Variants in LRRC72 observed in about 807,000 individuals in gnomAD.
LRRC72 encodes leucine-rich repeat-containing protein 72.
Under a neutral mutation model 35.8 loss-of-function variants are expected in LRRC72, and 41 were observed. The ratio of observed to expected loss-of-function variants is 1.15; its 90% CI spans 0.89 to 1.49. LRRC72 has a LOEUF of 1.49. LRRC72 is among the 40% of genes most tolerant of loss of function. LRRC72 has a pLI of 0.00. For missense variants in LRRC72, 389 were observed against 330.7 expected (o/e 1.18, Z -1.37); for synonymous variants, 118 against 119.2 (o/e 0.99, Z 0.07).
intron 3 of LRRC72, among the ~76,000 whole-genome samples, chr7:16,538,450 C>T (rs1304049483): frequency 3.3e-5 from 5 of 152,198 alleles, no homozygotes; most frequent in South Asian, 2.1e-4. Context: ...GCTCACCTCA[C>T]CTTTATCCCA....
intron 2 of LRRC72, among the ~76,000 whole-genome samples, chr7:16,536,670 A>T (rs1000042391): frequency 6.6e-6 from 1 of 152,196 alleles, no homozygotes; most frequent in African/African-American, 2.4e-5. Flanking sequence ...TATTTTGTTT[A>T]GAAATGGTTG....
chr7:16,548,469 CT>C (rs1417436198), intron 3 of LRRC72, among the ~76,000 whole-genome samples: 2 of 152,240 alleles, frequency 1.3e-5, no homozygotes, highest in Admixed American at 6.5e-5. Context: ...TGACACCCTC[CT>C]TAGGGTTCTG....
intron 1 of LRRC72, among the ~76,000 whole-genome samples, chr7:16,531,812 G>T (rs1018058518): frequency 3.3e-5 from 5 of 152,078 alleles, no homozygotes; most frequent in Admixed American, 1.3e-4. Context: ...CATTTAAATA[G>T]CTGTTGCTAA....
At chr7:16,578,302 G>A (rs1272343800) in intron 7 of LRRC72, among the ~76,000 whole-genome samples, 5 of 152,050 alleles carry the variant, frequency 3.3e-5, no homozygotes, top group African/African-American at 9.7e-5. Flanking sequence ...GTGAAACCCC[G>A]TCTCTATTAA....
intron 2 of LRRC72, 196 bp downstream of exon 2, chr7:16,532,764 AT>A: frequency 7.0e-6 from 4 of 575,112 alleles, no homozygotes; most frequent in South Asian, 6.9e-5. Context: ...AAAAAAAAAA[AT>A]TATGGAGACA....
rs887794380 is a variant in LRRC72 at position 16,556,540 on chromosome 7, G to C, written c.235-820G>C. Among the ~76,000 whole-genome samples the C allele has an allele frequency of 9.9e-5, 15 of 152,284 alleles. No individual in the cohort carries two copies. In the South Asian group the frequency reaches 1.2e-3, roughly 13 times the overall value. Reference sequence around the variant, plus strand: ...TGGTTGAGCTGTTAGCACTGCGCCTGATCTGGCAGAGCTGCCTCCTGTGTG... The same window carrying C: ...TGGTTGAGCTGTTAGCACTGCGCCTCATCTGGCAGAGCTGCCTCCTGTGTG... On this transcript the variant is annotated intron_variant, in intron 3 of 8. Transcript: ENST00000401542.
intron 6 of LRRC72, 145 bp downstream of exon 6, chr7:16,566,547 T>G: frequency 1.9e-6 from 1 of 530,642 alleles, no homozygotes; most frequent in Non-Finnish European, 3.1e-6. Flanking sequence ...GTTTTTCAAT[T>G]ATTTATTTTT....
intron 3 of LRRC72, among the ~76,000 whole-genome samples, chr7:16,544,485 C>T (rs2128335767): frequency 6.6e-6 from 1 of 152,262 alleles, no homozygotes; most frequent in South Asian, 2.1e-4. Context: ...GGCAGCTGCT[C>T]TTAGGTCTAA....
rs957689009 is a variant in LRRC72, at chr7:16,527,041, G to A, written c.89G>A (p.Arg30Gln). 11 of 1,537,606 alleles carry A rather than the reference G, an allele frequency of 7.2e-6. No homozygotes were observed. The Admixed American group carries it at 7.8e-5, about 11-fold the overall frequency. ...ASETALQSSR[R>Q]AVEDQLKICG... ...GAAACTGCCCTACAGAGCAGTCGCC[G>A]GGTAAGCGGCACCTGCCTTCCCAAG... The change falls in exon 1 of 9, where the codon CGG (arginine) becomes CAG (glutamine). Residue 30 changes from arginine (R) to glutamine (Q), a missense_variant and splice_region_variant. Arg to Gln is a conservative substitution (Grantham distance 43). Coordinates refer to ENST00000401542, the MANE Select transcript of LRRC72 (RefSeq NM_001195280.2).
chr7:16,535,703 G>A (rs1304546393), intron 2 of LRRC72, among the ~76,000 whole-genome samples: 1 of 152,172 alleles, frequency 6.6e-6, no homozygotes, highest in African/African-American at 2.4e-5. Flanking sequence ...GGGGCAGACT[G>A]ACGTCATTTG....
chr7:16,562,579 A>G (rs1464814517), intron 5 of LRRC72, among the ~76,000 whole-genome samples: 2 of 152,168 alleles, frequency 1.3e-5, no homozygotes, highest in African/African-American at 4.8e-5. Flanking sequence ...CTTTCGAGAG[A>G]GGGTCTCCAT....
At chr7:16,565,163 G>A (rs914919330) in intron 5 of LRRC72, among the ~76,000 whole-genome samples, 3 of 152,150 alleles carry the variant, frequency 2.0e-5, no homozygotes, top group East Asian at 1.9e-4. Context: ...AAGATTACTG[G>A]CCAGGTGCGG....
At chr7:16,567,564 A>G (rs952909821) in intron 7 of LRRC72, 21 bp downstream of exon 7, 2 of 1,418,278 alleles carry the variant, frequency 1.4e-6, no homozygotes, top group African/African-American at 2.9e-5. Flanking sequence ...AAAAAAAAAA[A>G]AAAAACAAAT....
chr7:16,544,658 A>C (rs535448154), intron 3 of LRRC72, among the ~76,000 whole-genome samples: 124 of 152,344 alleles, frequency 8.1e-4, no homozygotes, highest in African/African-American at 2.9e-3. Flanking sequence ...CATACATATA[A>C]TCTTCTGACT....
At chr7:16,574,565 G>A (rs1562754555) in intron 7 of LRRC72, among the ~76,000 whole-genome samples, 1 of 151,986 alleles carries the variant, frequency 6.6e-6, no homozygotes, top group Non-Finnish European at 1.5e-5. Flanking sequence ...ACCAAACACT[G>A]CATGTTCTCA....
chr7:16,581,017 T>A (rs968103567), intron 8 of LRRC72, among the ~76,000 whole-genome samples: 2 of 152,206 alleles, frequency 1.3e-5, no homozygotes, highest in African/African-American at 4.8e-5. Context: ...CTATAAATAT[T>A]TTAACCATCT....
At chr7:16,564,889 C>T (rs1475296237) in intron 5 of LRRC72, among the ~76,000 whole-genome samples, 1 of 151,978 alleles carries the variant, frequency 6.6e-6, no homozygotes, top group East Asian at 1.9e-4. Context: ...ACAAACTGCT[C>T]TTTAGAAATA....
chr7:16,555,789 A>C (rs1256415813), intron 3 of LRRC72, among the ~76,000 whole-genome samples: 1 of 152,090 alleles, frequency 6.6e-6, no homozygotes, highest in Non-Finnish European at 1.5e-5. Context: ...AAAAAAAATT[A>C]ATAGTTCCTA....
chr7:16,538,958 T>A (rs550683121), intron 3 of LRRC72, among the ~76,000 whole-genome samples: 1 of 152,238 alleles, frequency 6.6e-6, no homozygotes, highest in Non-Finnish European at 1.5e-5. Flanking sequence ...GAGTTCTTTA[T>A]AGCAGTGTGA....
Sources: gnomAD v4.1 joint callset for allele counts (sites outside exome capture counted in the v4.1 genomes callset) on GRCh38, gnomAD v4.1.1 for gene constraint, MANE v1.5 for transcripts, NCBI Gene and HGNC (gene_info 2026-07-23, HGNC 2026-07-21) for gene names.